Variants in SIGLEC15 observed in about 807,000 individuals in gnomAD.
The protein encoded by SIGLEC15 is sialic acid binding Ig like lectin 15.
SIGLEC15 carries 31 observed loss-of-function variants against 26.2 expected under a neutral mutation model. The ratio of observed to expected loss-of-function variants is 1.18; its 90% CI spans 0.89 to 1.60. SIGLEC15 has a LOEUF of 1.60. Ranked by LOEUF, SIGLEC15 falls within the 40% of genes most tolerant of loss-of-function variation. The pLI, the probability that SIGLEC15 is intolerant of heterozygous loss-of-function variation, is 0.00. For missense variants in SIGLEC15, 501 were observed against 488.4 expected, an observed-to-expected ratio of 1.03 and a Z score of -0.24; for synonymous variants, 207 against 221.9, an observed-to-expected ratio of 0.93 and a Z score of 0.60.
Position 45,827,953 on chromosome 18 carries a change from C to T in SIGLEC15, c.52+2173C>T, listed in dbSNP as rs113185724. ...GATTACTGAGTGCAGCCAAGCCACTCGCGTGAGCCGACTCAGCTGCAGAAA... is the reference window on the plus strand; with the variant it reads ...GATTACTGAGTGCAGCCAAGCCACTTGCGTGAGCCGACTCAGCTGCAGAAA... On this transcript the variant is annotated intron_variant, in intron 1 of 5. Transcript: ENST00000389474. 5.6e-3 allele frequency among the ~76,000 whole-genome samples: 859 copies of T among 152,344 alleles called. 11 individuals carry two copies. The highest frequency in any genetic ancestry group is 0.02 in the African/African-American group (820 of 41,578).
rs189532959 is a variant in SIGLEC15 at position 45,826,103 on chromosome 18, C to G, written c.52+323C>G. On this transcript the variant is annotated intron_variant, in intron 1 of 5. Coordinates refer to ENST00000389474, the MANE Select transcript of SIGLEC15 (RefSeq NM_213602.3). ...AGGTACAGAGAGGACATCACAGGCTCTGAACAAGCTTCTTGTGCTGCTGTC... is the reference window on the plus strand; with the variant it reads ...AGGTACAGAGAGGACATCACAGGCTGTGAACAAGCTTCTTGTGCTGCTGTC... Among the ~76,000 whole-genome samples the G allele has an allele frequency of 9.9e-4, 151 of 152,228 alleles. 1 individual carries two copies. The highest frequency in any genetic ancestry group is 9.7e-3 in the Admixed American group (149 of 15,290).
intron 4 of SIGLEC15, 126 bp downstream of exon 4, chr18:45,839,221 G>C (rs1434623577): frequency 8.0e-7 from 1 of 1,249,778 alleles, no homozygotes; most frequent in Non-Finnish European, 1.0e-6. Context: ...ATGCATCGTG[G>C]CGCTTTCCTC....
In SIGLEC15 at chr18:45,837,657, C is replaced by G; in HGVS notation, c.257C>G (p.Pro86Arg). 1 of 1,502,860 alleles carries G rather than the reference C, an allele frequency of 6.7e-7. No individual in the cohort carries two copies. Among genetic ancestry groups the G allele is most frequent in the Non-Finnish European group, 8.8e-7 (1 of 1,133,856 alleles). 93.1% of individuals were successfully genotyped at this position (1,502,860 alleles called of 1,614,324 possible). ...ACGGCCATCTGGCGCGCGGGCGAGCCCTATGCGGGCCCGCAGGTGTTCCGC... is the reference window on the plus strand; with the variant it reads ...ACGGCCATCTGGCGCGCGGGCGAGCGCTATGCGGGCCCGCAGGTGTTCCGC... ...PLTAIWRAGE[P>R]YAGPQVFRCA... Residue 86 changes from proline (P) to arginine (R), a missense_variant, in exon 3 of 6, where the codon CCC becomes CGC. By Grantham distance (103) the Pro-to-Arg change is moderately radical (BLOSUM62 -2). Coordinates refer to ENST00000389474, the MANE Select transcript of SIGLEC15 (RefSeq NM_213602.3).
chr18:45,838,551 A>G lies in SIGLEC15; in HGVS notation c.497-167A>G, dbSNP rs2048295300. The G allele has an allele frequency of 7.1e-6, 6 of 847,430 alleles. No individual in the cohort carries two copies. The South Asian group carries it at 1.2e-4, about 17-fold the overall frequency. 52.5% of individuals were successfully genotyped at this position (847,430 alleles called of 1,614,324 possible). A position where few individuals can be genotyped will look rare whatever the true frequency, so the allele number is the denominator to read the frequency against. ...TACACATGGAGAAGCAGAAGCAGAG[A>G]TGATAGAATCTTTCGCCCAAGGCCA... On this transcript the variant is annotated intron_variant, in intron 3 of 5. Coordinates refer to ENST00000389474, the MANE Select transcript of SIGLEC15 (RefSeq NM_213602.3).
rs921250785 is a variant in SIGLEC15, at chr18:45,843,378, G to A, written c.*1191G>A. ...AGGAGGGAGGCATGCCTGGGTCCCAGGTAAGCTGGCAAGAGGAAAGGGCCA... is the reference window on the plus strand; with the variant it reads ...AGGAGGGAGGCATGCCTGGGTCCCAAGTAAGCTGGCAAGAGGAAAGGGCCA... On this transcript the variant is annotated 3_prime_UTR_variant, in exon 6 of 6. Coordinates refer to ENST00000389474, the MANE Select transcript of SIGLEC15 (RefSeq NM_213602.3). 1.3e-5 allele frequency: 2 copies of A among 152,272 alleles called. No homozygotes were observed. Among genetic ancestry groups the A allele is most frequent in the African/African-American group, 2.4e-5 (1 of 41,436 alleles). The allele number at this position is 152,272 out of a possible 1,614,324, so 9.4% of individuals were successfully genotyped here. A position where few individuals can be genotyped will look rare whatever the true frequency, so the allele number is the denominator to read the frequency against.
At chr18:45,830,536 G>C (rs889246079) in intron 1 of SIGLEC15, among the ~76,000 whole-genome samples, 1 of 150,402 alleles carries the variant, frequency 6.6e-6, no homozygotes, top group Non-Finnish European at 1.5e-5. Context: ...TCAGTTTTCT[G>C]AATACCTAAA....
chr18:45,830,166 G>A (rs2048221907), intron 1 of SIGLEC15, among the ~76,000 whole-genome samples: 1 of 152,232 alleles, frequency 6.6e-6, no homozygotes, highest in South Asian at 2.1e-4. Context: ...TTCCTGCTTT[G>A]CTTTTTTCCT....
At chr18:45,828,030 C>T (rs912462560) in intron 1 of SIGLEC15, among the ~76,000 whole-genome samples, 1 of 152,192 alleles carries the variant, frequency 6.6e-6, no homozygotes, top group Non-Finnish European at 1.5e-5. Context: ...CAGGGTGGTC[C>T]AGGCCCCCAC....
In SIGLEC15 at chr18:45,839,105, C is replaced by T. The variant is rs969294418; in HGVS notation, c.874+10C>T. On this transcript the variant is annotated intron_variant, in intron 4 of 5. Coordinates refer to ENST00000389474, the MANE Select transcript of SIGLEC15 (RefSeq NM_213602.3). The stretch of plus-strand genomic sequence containing the variant: ...GCCCGCCGCCGCCCAGGTGGGTGCG[C>T]CCCAGACACGGGTGGCCGCGAGGGG... 1.6e-5 allele frequency: 22 copies of T among 1,379,514 alleles called. No homozygotes were observed. The highest frequency in any genetic ancestry group is 1.9e-5 in the Non-Finnish European group (21 of 1,077,844). The allele number at this position is 1,379,514 out of a possible 1,614,324, so 85.5% of individuals were successfully genotyped here.
intron 1 of SIGLEC15, chr18:45,829,012 C>A: frequency 1.2e-6 from 1 of 853,240 alleles, no homozygotes; most frequent in Non-Finnish European, 1.4e-6. Flanking sequence ...GAAGTCCTAT[C>A]TGGGGCGGGA....
At chr18:45,829,167 C>A (rs2048211762) in intron 1 of SIGLEC15, 15 of 985,364 alleles carry the variant, frequency 1.5e-5, no homozygotes, top group Non-Finnish European at 1.8e-5. Context: ...TGTGGCCCTG[C>A]CTCTCCATCA....
intron 1 of SIGLEC15, among the ~76,000 whole-genome samples, chr18:45,836,566 G>C (rs977346162): frequency 1.3e-5 from 2 of 152,186 alleles, no homozygotes; most frequent in African/African-American, 4.8e-5. Context: ...TGGAGGCAGA[G>C]CTCTGCTTCC....
intron 2 of SIGLEC15, 80 bp from the exon 3 acceptor site, chr18:45,837,433 G>A: frequency 5.7e-6 from 8 of 1,397,640 alleles, no homozygotes; most frequent in Non-Finnish European, 5.5e-6. Context: ...GCGTTTCCTG[G>A]GTCGTGGGGT....
In SIGLEC15 at chr18:45,842,207, C is replaced by T; in HGVS notation, c.*20C>T. ...CCGTGAGGAGTCCCTCAGCCACCAA[C>T]ATCCATTTCAGCACTGTAAAGAACA... On this transcript the variant is annotated 3_prime_UTR_variant, in exon 6 of 6. Transcript: ENST00000389474. The T allele has an allele frequency of 6.2e-7, 1 of 1,613,204 alleles. No individual in the cohort carries two copies. Among genetic ancestry groups the T allele is most frequent in the Non-Finnish European group, 8.5e-7 (1 of 1,179,168 alleles).
intron 1 of SIGLEC15, among the ~76,000 whole-genome samples, chr18:45,831,694 C>T (rs2048235977): frequency 1.3e-5 from 2 of 151,420 alleles, no homozygotes; most frequent in Non-Finnish European, 2.9e-5. Flanking sequence ...TCAGCTGGTC[C>T]AACATGCTAA....
At chr18:45,829,103 G>A in intron 1 of SIGLEC15, 8 of 985,852 alleles carry the variant, frequency 8.1e-6, no homozygotes, top group Non-Finnish European at 9.6e-6. Flanking sequence ...GCTACATCGG[G>A]ACTCTGAAGA....
intron 1 of SIGLEC15, among the ~76,000 whole-genome samples, chr18:45,835,895 G>T (rs1172999390): frequency 6.6e-6 from 1 of 152,140 alleles, no homozygotes; most frequent in Non-Finnish European, 1.5e-5. Flanking sequence ...AAAGGGACTG[G>T]GATTTTTCCA....
At chr18:45,828,758 G>A (rs1443598102) in intron 1 of SIGLEC15, among the ~76,000 whole-genome samples, 1 of 152,194 alleles carries the variant, frequency 6.6e-6, no homozygotes, top group African/African-American at 2.4e-5. Context: ...GGGAGCCTGG[G>A]CAAAGCCTGG....
At chr18:45,827,243 T>C (rs946559063) in intron 1 of SIGLEC15, among the ~76,000 whole-genome samples, 11 of 152,128 alleles carry the variant, frequency 7.2e-5, no homozygotes, top group African/African-American at 2.7e-4. Flanking sequence ...CTATGAAACA[T>C]TCTCTTTTCA....
Sources: allele counts gnomAD v4.1 joint callset (sites outside exome capture counted in the v4.1 genomes callset), GRCh38; gene constraint gnomAD v4.1.1; transcripts MANE v1.5; gene names NCBI Gene and HGNC (gene_info 2026-07-23, HGNC 2026-07-21).